Variants in GDA observed in about 807,000 individuals in gnomAD.
GDA encodes guanine deaminase.
GDA carries 18 observed loss-of-function variants against 59.6 expected under a neutral mutation model. That is an observed-to-expected ratio of 0.30 (90% CI 0.21 to 0.45). The LOEUF (loss-of-function observed/expected upper bound fraction) is 0.45. Among genes scored for constraint, GDA ranks in the 20% least tolerant of loss-of-function variants. The pLI is 1.00. For synonymous variants in GDA, 201 were observed against 201.1 expected (o/e 1.00, Z 0.00); for missense variants, 427 against 552.3 (o/e 0.77, Z 2.27).
At chr9:72,147,614 C>T (rs1321282620), upstream of GDA, among the ~76,000 whole-genome samples, 1 of 103,618 alleles carries the variant, frequency 9.7e-6, no homozygotes, top group African/African-American at 2.8e-5. Flanking sequence ...AAACTAGTCT[C>T]TATTTTTTTT....
intron 1 of GDA, among the ~76,000 whole-genome samples, chr9:72,150,601 T>C (rs1827089647): frequency 6.6e-6 from 1 of 152,136 alleles, no homozygotes; most frequent in Non-Finnish European, 1.5e-5. Context: ...AATATGGAGA[T>C]GGGATTTTTT....
At chr9:72,219,640 T>C in intron 6 of GDA, 134 bp downstream of exon 6, 1 of 567,140 alleles carries the variant, frequency 1.8e-6, no homozygotes. Context: ...ACCTAGAGCC[T>C]GATGTGTCAC....
intron 1 of GDA, among the ~76,000 whole-genome samples, chr9:72,178,081 A>G (rs1253580115): frequency 2.6e-5 from 4 of 152,348 alleles, no homozygotes; most frequent in African/African-American, 9.6e-5. Flanking sequence ...GAAGCAACAC[A>G]GCTACATGCT....
rs1221901704 is a variant in GDA, at chr9:72,225,765, A to T, written c.803A>T (p.Asn268Ile). The part of the protein sequence containing the change: ...YKNYTSVYDK[N>I]NLLTNKTVMA... ...AACTACACATCTGTGTATGATAAAA[A>T]CAATCTTTTGACAAATAAGGTAAGT... is the stretch of plus-strand genomic sequence containing the variant. The change falls in exon 8 of 14, where the codon AAC becomes ATC. Residue 268 changes from asparagine (N) to isoleucine (I), a missense_variant. By Grantham distance (149) the Asn-to-Ile change is moderately radical (BLOSUM62 -3). Coordinates refer to ENST00000358399, the MANE Select transcript of GDA (RefSeq NM_004293.5). 1.4e-6 allele frequency: 2 copies of T among 1,402,636 alleles called. No individual in the cohort carries two copies. Among genetic ancestry groups the T allele is most frequent in the Admixed American group, 3.7e-5 (2 of 53,712 alleles). 86.9% of individuals were successfully genotyped at this position (1,402,636 alleles called of 1,614,324 possible).
intron 1 of GDA, among the ~76,000 whole-genome samples, chr9:72,144,235 T>G (rs1409979285): frequency 6.6e-6 from 1 of 152,062 alleles, no homozygotes; most frequent in Non-Finnish European, 1.5e-5. Context: ...ATACTAATAA[T>G]ATTAACAATA....
intron 1 of GDA, among the ~76,000 whole-genome samples, chr9:72,154,761 C>A (rs1251521898): frequency 6.6e-6 from 1 of 152,178 alleles, no homozygotes; most frequent in African/African-American, 2.4e-5. Context: ...TAGTATGGGG[C>A]AAAGGCCATG....
chr9:72,126,252 A>AT (rs1825844252), intron 1 of GDA, among the ~76,000 whole-genome samples: 1 of 152,172 alleles, frequency 6.6e-6, no homozygotes, highest in Non-Finnish European at 1.5e-5. Context: ...GATCTGGCTA[A>AT]ACACGATATT....
intron 3 of GDA, among the ~76,000 whole-genome samples, chr9:72,207,032 A>G (rs959731968): frequency 1.3e-5 from 2 of 152,066 alleles, no homozygotes; most frequent in Admixed American, 6.5e-5. Context: ...GCTGACATCA[A>G]TGTGATTCTC....
intron 1 of GDA, among the ~76,000 whole-genome samples, chr9:72,183,690 G>C (rs1490341444): frequency 1.3e-5 from 2 of 152,104 alleles, no homozygotes; most frequent in Admixed American, 6.5e-5. Context: ...TGCAAAATGG[G>C]GCTAGTAATA....
chr9:72,165,726 C>T lies in GDA; in HGVS notation c.123+16044C>T, dbSNP rs201733127. 6.8e-4 allele frequency among the ~76,000 whole-genome samples: 104 copies of T among 151,920 alleles called. 1 individual carries two copies. In the East Asian group the frequency reaches 0.012, roughly 17 times the overall value. ...CAGCCTGGCCAACATGGTGAAACCCCGTCTCTACTAAAAATACAAAAATTA... is the reference window on the plus strand; with the variant it reads ...CAGCCTGGCCAACATGGTGAAACCCTGTCTCTACTAAAAATACAAAAATTA... On this transcript the variant is annotated intron_variant, in intron 1 of 13. Transcript: ENST00000358399.
intron 11 of GDA, 112 bp from the exon 12 acceptor site, chr9:72,245,036 A>T (rs181979144): frequency 0.012 from 9,071 of 766,086 alleles, 54 homozygotes; most frequent in Non-Finnish European, 0.013. Flanking sequence ...TAAGATACTA[A>T]TTTTTTTTTT....
chr9:72,158,988 A>G (rs940438154), intron 1 of GDA, among the ~76,000 whole-genome samples: 2 of 152,196 alleles, frequency 1.3e-5, no homozygotes, highest in African/African-American at 4.8e-5. Context: ...GGCAAGACTC[A>G]GAGCCATGCC....
At chr9:72,154,287 C>T (rs569187306) in intron 1 of GDA, among the ~76,000 whole-genome samples, 4 of 152,214 alleles carry the variant, frequency 2.6e-5, no homozygotes, top group Admixed American at 6.5e-5. Context: ...CCTGAGCCTC[C>T]GTTTCCTCAT....
chr9:72,236,556 AAAC>A (rs1839010938), intron 10 of GDA, among the ~76,000 whole-genome samples: 2 of 152,114 alleles, frequency 1.3e-5, no homozygotes, highest in Non-Finnish European at 2.9e-5. Context: ...GTTGCAGCAA[AAAC>A]AACAACAACA....
At chr9:72,253,642 A>T (rs1290074354), downstream of GDA, 1 of 152,186 alleles carries the variant, frequency 6.6e-6, no homozygotes, top group Non-Finnish European at 1.5e-5. Flanking sequence ...GCATGATGAA[A>T]CTGCTTCCCA....
chr9:72,248,255 C>T lies in GDA; in HGVS notation c.1295-17C>T. 6.4e-7 allele frequency: 1 copy of T among 1,565,324 alleles called. No homozygotes were observed. Among genetic ancestry groups the T allele is most frequent in the Non-Finnish European group, 8.8e-7 (1 of 1,135,748 alleles). ...CACAAAAGGATTTTATACATGATTC[C>T]TTGATTTTTCTTTCAGGAGATGATC... On this transcript the variant is annotated splice_polypyrimidine_tract_variant and intron_variant, in intron 13 of 13. Coordinates refer to ENST00000358399, the MANE Select transcript of GDA (RefSeq NM_004293.5).
At chr9:72,222,513 T>C (rs1837019845) in intron 6 of GDA, among the ~76,000 whole-genome samples, 1 of 152,226 alleles carries the variant, frequency 6.6e-6, no homozygotes, top group Admixed American at 6.5e-5. Context: ...TTCTGTTGGT[T>C]GTCTGTTTAC....
intron 3 of GDA, among the ~76,000 whole-genome samples, chr9:72,203,863 C>G (rs1226865034): frequency 6.6e-6 from 1 of 151,776 alleles, no homozygotes. Flanking sequence ...GTCACCCAAG[C>G]TGGAGTGCAG....
At chr9:72,137,246 T>C (rs1022595940) in intron 1 of GDA, among the ~76,000 whole-genome samples, 45 of 127,260 alleles carry the variant, frequency 3.5e-4, no homozygotes, top group African/African-American at 9.9e-4. Flanking sequence ...TTTTTTCTTT[T>C]TTTTTTTTTT....
Sources: gnomAD v4.1 joint callset for allele counts (sites outside exome capture counted in the v4.1 genomes callset) on GRCh38, gnomAD v4.1.1 for gene constraint, MANE v1.5 for transcripts, NCBI Gene and HGNC (gene_info 2026-07-23, HGNC 2026-07-21) for gene names.